TRPM3: variants seen among roughly 807,000 people sequenced by gnomAD.
TRPM3 encodes the protein long transient receptor potential channel 3.
In TRPM3, 77 loss-of-function variants were observed where a neutral mutation model predicts 181.2. The observed-to-expected ratio is 0.42, with a 90% CI of 0.35 to 0.51. The LOEUF (loss-of-function observed/expected upper bound fraction) is 0.51. Among genes scored for constraint, TRPM3 ranks in the 20% least tolerant of loss-of-function variants. The pLI is 0.01. For synonymous variants in TRPM3, 745 were observed against 796.4 expected, an observed-to-expected ratio of 0.94 and a Z score of 1.09; for missense variants, 1,759 against 2,196.7, an observed-to-expected ratio of 0.80 and a Z score of 3.98.
intron 1 of TRPM3, among the ~76,000 whole-genome samples, chr9:71,168,567 T>G (rs10868966): frequency 0.43 from 47,315 of 110,004 alleles, 11,721 homozygotes; most frequent in African/African-American, 0.46. Flanking sequence ...TTTATTTATT[T>G]ATTTATTTTT....
chr9:71,284,728 T>C, intron 1 of TRPM3, among the ~76,000 whole-genome samples: 1 of 152,202 alleles, frequency 6.6e-6, no homozygotes, highest in East Asian at 1.9e-4. Flanking sequence ...AACTTTGCAC[T>C]TTACCATAAC....
intron 6 of TRPM3, among the ~76,000 whole-genome samples, chr9:70,824,251 G>C (rs1258837310): frequency 6.6e-6 from 1 of 152,086 alleles, no homozygotes; most frequent in African/African-American, 2.4e-5. Context: ...CCTCCCTGGG[G>C]CCATCCTGAG....
intron 1 of TRPM3, among the ~76,000 whole-genome samples, chr9:71,293,367 T>C (rs1391000042): frequency 2.6e-5 from 4 of 151,888 alleles, no homozygotes; most frequent in African/African-American, 7.2e-5. Flanking sequence ...TTCACGGACA[T>C]TTTATGCATA....
At chr9:70,659,837 C>G (rs1158547307) in intron 9 of TRPM3, among the ~76,000 whole-genome samples, 1 of 152,138 alleles carries the variant, frequency 6.6e-6, no homozygotes, top group Non-Finnish European at 1.5e-5. Context: ...TGAAGCTAGA[C>G]AACTTAAACT....
At chr9:71,342,490 A>G (rs2091026853) in intron 1 of TRPM3, among the ~76,000 whole-genome samples, 1 of 151,896 alleles carries the variant, frequency 6.6e-6, no homozygotes. Context: ...AGTAATTAGT[A>G]AACTCCATGA....
chr9:71,321,416 T>A (rs2089210555), intron 1 of TRPM3, among the ~76,000 whole-genome samples: 1 of 152,144 alleles, frequency 6.6e-6, no homozygotes, highest in South Asian at 2.1e-4. Context: ...AAAGCTTATG[T>A]CCCTCCCTTG....
chr9:70,846,060 G>A (rs1438389569), intron 4 of TRPM3, among the ~76,000 whole-genome samples: 1 of 152,156 alleles, frequency 6.6e-6, no homozygotes, highest in East Asian at 1.9e-4. Flanking sequence ...TAAAGCAGAA[G>A]TCATTCCCTA....
At chr9:70,565,967 A>G (rs898495724) in intron 22 of TRPM3, among the ~76,000 whole-genome samples, 2 of 152,146 alleles carry the variant, frequency 1.3e-5, no homozygotes, top group Non-Finnish European at 2.9e-5. Flanking sequence ...TCATTCATTC[A>G]ACAGGTATTT....
chr9:70,574,352 C>T (rs1291327938), intron 22 of TRPM3, among the ~76,000 whole-genome samples: 1 of 152,166 alleles, frequency 6.6e-6, no homozygotes, highest in East Asian at 1.9e-4. Flanking sequence ...GAGGAGTACC[C>T]TCCCCTCTGT....
In TRPM3 at chr9:70,549,522, C is replaced by G; in HGVS notation, c.3707+20G>C. ...CTTGGCACAACACATCTGCAGGAGGCAGGTGTCCACAGAACACACCTTTCT... is the reference window on the plus strand; with the variant it reads ...CTTGGCACAACACATCTGCAGGAGGGAGGTGTCCACAGAACACACCTTTCT... On this transcript the variant is annotated intron_variant, in intron 25 of 25. Transcript: ENST00000677713. 2 of 1,601,862 alleles carry G rather than the reference C, an allele frequency of 1.2e-6. No individual in the cohort carries two copies. Among genetic ancestry groups the G allele is most frequent in the South Asian group, 2.3e-5 (2 of 88,044 alleles).
intron 1 of TRPM3, among the ~76,000 whole-genome samples, chr9:70,984,802 C>T (rs2097402547): frequency 6.6e-6 from 1 of 152,186 alleles, no homozygotes; most frequent in Non-Finnish European, 1.5e-5. Flanking sequence ...GTGTTTTTGA[C>T]TTTCAAAATT....
chr9:71,116,955 A>G (rs943921719), intron 1 of TRPM3, among the ~76,000 whole-genome samples: 3 of 152,180 alleles, frequency 2.0e-5, no homozygotes, highest in African/African-American at 7.2e-5. Flanking sequence ...ACTAGAGACA[A>G]TAACTGAAAT....
At chr9:70,575,279 G>A (rs927340229) in intron 22 of TRPM3, among the ~76,000 whole-genome samples, 5 of 152,186 alleles carry the variant, frequency 3.3e-5, no homozygotes, top group Admixed American at 6.5e-5. Flanking sequence ...CATCTACCTG[G>A]AGCTGGCTTC....
Position 71,400,320 on chromosome 9 carries a change from C to T in TRPM3, c.183+46333G>A, listed in dbSNP as rs548737911. Among the ~76,000 whole-genome samples the T allele has an allele frequency of 2.6e-4, 39 of 152,212 alleles. No homozygotes were observed. In the South Asian group the frequency reaches 7.9e-3, roughly 31 times the overall value. On this transcript the variant is annotated intron_variant, in intron 1 of 24. Transcript: ENST00000357533. ...TGATGGGAGTTTTCTACACTTCCAGCAGCTAATTCTAAGTGTTTGGCTCTG... is the reference window on the plus strand; with the variant it reads ...TGATGGGAGTTTTCTACACTTCCAGTAGCTAATTCTAAGTGTTTGGCTCTG...
chr9:70,773,064 C>T (rs1050949458), intron 7 of TRPM3, among the ~76,000 whole-genome samples: 6 of 152,160 alleles, frequency 3.9e-5, no homozygotes, highest in Non-Finnish European at 8.8e-5. Context: ...ACTGGTCTTA[C>T]ACATTGGTGC....
chr9:71,357,546 T>A (rs1361284299), intron 1 of TRPM3, among the ~76,000 whole-genome samples: 1 of 152,160 alleles, frequency 6.6e-6, no homozygotes, highest in East Asian at 1.9e-4. Flanking sequence ...CAGCATTTTC[T>A]GGCCCAGTCT....
chr9:70,821,556 A>G (rs1435260992), intron 6 of TRPM3, among the ~76,000 whole-genome samples: 2 of 152,244 alleles, frequency 1.3e-5, no homozygotes, highest in African/African-American at 4.8e-5. Flanking sequence ...TCGAACTTAT[A>G]TAAATATCTG....
At chr9:71,194,580 CTGTT>C (rs2078230068) in intron 1 of TRPM3, among the ~76,000 whole-genome samples, 1 of 151,878 alleles carries the variant, frequency 6.6e-6, no homozygotes, top group Non-Finnish European at 1.5e-5. Context: ...CCCTGAATCA[CTGTT>C]TGTAGGAGAG....
intron 1 of TRPM3, among the ~76,000 whole-genome samples, chr9:71,202,624 A>C (rs980534659): frequency 4.6e-5 from 7 of 152,204 alleles, no homozygotes; most frequent in Non-Finnish European, 8.8e-5. Flanking sequence ...TAATGGACCC[A>C]GGTACTCGGA....
Sources: allele counts gnomAD v4.1 joint callset (sites outside exome capture counted in the v4.1 genomes callset), GRCh38; gene constraint gnomAD v4.1.1; transcripts MANE v1.5; gene names NCBI Gene and HGNC (gene_info 2026-07-23, HGNC 2026-07-21).